DTWD2: variants seen among roughly 807,000 people sequenced by gnomAD.
DTWD2 encodes the protein tRNA-uridine aminocarboxypropyltransferase 2.
In DTWD2, 39 loss-of-function variants were observed where a neutral mutation model predicts 31.8. That is an observed-to-expected ratio of 1.22 (90% confidence interval 0.95 to 1.60). The LOEUF is 1.60. Among genes scored for constraint, DTWD2 ranks in the 40% most tolerant of loss-of-function variants. The pLI is 0.00. For synonymous variants in DTWD2, 180 were observed against 142.8 expected, an observed-to-expected ratio of 1.26 and a Z score of -1.86; for missense variants, 515 against 381.5, an observed-to-expected ratio of 1.35 and a Z score of -2.92.
chr5:118,870,573 C>A (rs1349932107), intron 4 of DTWD2, among the ~76,000 whole-genome samples: 1 of 152,154 alleles, frequency 6.6e-6, no homozygotes, highest in Non-Finnish European at 1.5e-5. Context: ...AATGATATAT[C>A]TTAATTTTAA....
At chr5:118,984,130 T>C (rs1232160939) in intron 1 of DTWD2, among the ~76,000 whole-genome samples, 1 of 152,036 alleles carries the variant, frequency 6.6e-6, no homozygotes, top group Non-Finnish European at 1.5e-5. Flanking sequence ...CTACTAAAAA[T>C]ACAAAATTAG....
At position 118,988,187 on chromosome 5, in the gene DTWD2, C is replaced by A. The variant is rs775384563; in HGVS notation, c.218+107G>T. The A allele has an allele frequency of 3.6e-6, 5 of 1,381,482 alleles. No individual in the cohort carries two copies. The South Asian group carries it at 6.2e-5, about 17-fold the overall frequency. The allele number at this position is 1,381,482 out of a possible 1,614,324, so 85.6% of individuals were successfully genotyped here. ...CAACGTGCACCCGCCAACTCCGCCG[C>A]CCTAATCGCAGAGCTGCCCGAGCCG... On this transcript the variant is annotated intron_variant, in intron 1 of 5. Coordinates refer to ENST00000510708, the MANE Select transcript of DTWD2 (RefSeq NM_173666.4).
intron 4 of DTWD2, among the ~76,000 whole-genome samples, chr5:118,898,005 A>G (rs2149563790): frequency 6.6e-6 from 1 of 152,220 alleles, no homozygotes; most frequent in African/African-American, 2.4e-5. Flanking sequence ...CTGGGACCAC[A>G]GGCATGTGCC....
At chr5:118,889,594 A>G (rs1347513587) in intron 4 of DTWD2, among the ~76,000 whole-genome samples, 1 of 152,162 alleles carries the variant, frequency 6.6e-6, no homozygotes, top group Non-Finnish European at 1.5e-5. Flanking sequence ...GTCTTGATAT[A>G]TAGGTTGTCT....
At chr5:118,878,365 A>T (rs983744225) in intron 4 of DTWD2, among the ~76,000 whole-genome samples, 2 of 152,182 alleles carry the variant, frequency 1.3e-5, no homozygotes, top group African/African-American at 4.8e-5. Context: ...CCACACACTT[A>T]CAACTATCTG....
intron 4 of DTWD2, among the ~76,000 whole-genome samples, chr5:118,894,073 T>A (rs1753031615): frequency 6.6e-6 from 1 of 151,284 alleles, no homozygotes; most frequent in Non-Finnish European, 1.5e-5. Context: ...TGACACAGGT[T>A]TCAAAAGTAT....
chr5:118,945,729 C>A (rs1172311668), intron 1 of DTWD2, among the ~76,000 whole-genome samples: 1 of 144,560 alleles, frequency 6.9e-6, no homozygotes, highest in Admixed American at 6.9e-5. Flanking sequence ...TGTGCCACTG[C>A]ACTCCAGCCT....
rs561254560 is a variant in DTWD2 at position 118,865,441 on chromosome 5, TA to T, written c.598-17224del. ...CTATATACCAAAAATATGGTCTATG[TA>T]AAAAAAAAATAAATAAAAAGAATCA... On this transcript the variant is annotated intron_variant, in intron 4 of 5. Coordinates refer to ENST00000510708, the MANE Select transcript of DTWD2 (RefSeq NM_173666.4). Among the ~76,000 whole-genome samples, 1,437 of 149,462 alleles carry T rather than the reference TA, an allele frequency of 9.6e-3. 16 individuals are homozygous for T. Among genetic ancestry groups the T allele is most frequent in the African/African-American group, 0.032 (1,312 of 40,828 alleles).
chr5:118,975,005 G>A (rs1472383627), intron 1 of DTWD2, among the ~76,000 whole-genome samples: 2 of 151,972 alleles, frequency 1.3e-5, no homozygotes, highest in Non-Finnish European at 2.9e-5. Flanking sequence ...ATGTGTCTTG[G>A]GGTTGCTCTT....
chr5:118,977,222 C>T (rs1755183138), intron 1 of DTWD2, among the ~76,000 whole-genome samples: 1 of 152,162 alleles, frequency 6.6e-6, no homozygotes, highest in African/African-American at 2.4e-5. Flanking sequence ...AAACCCACAA[C>T]CAATATCATA....
chr5:118,879,562 A>G (rs1307372197), intron 4 of DTWD2, among the ~76,000 whole-genome samples: 1 of 149,380 alleles, frequency 6.7e-6, no homozygotes, highest in Admixed American at 6.8e-5. Flanking sequence ...GTGAGCCAAG[A>G]TCGCACCACT....
intron 4 of DTWD2, among the ~76,000 whole-genome samples, chr5:118,863,744 G>A (rs879546929): frequency 3.9e-5 from 6 of 152,102 alleles, no homozygotes; most frequent in Non-Finnish European, 8.8e-5. Context: ...CCCTAATATT[G>A]TACATTTACA....
intron 4 of DTWD2, among the ~76,000 whole-genome samples, chr5:118,887,678 G>A (rs148741355): frequency 5.1e-4 from 77 of 152,320 alleles, no homozygotes; most frequent in African/African-American, 1.8e-3. Context: ...GAGGGCAGGA[G>A]TGCAGTCATG....
At chr5:118,973,354 G>A (rs935176055) in intron 1 of DTWD2, among the ~76,000 whole-genome samples, 14 of 152,090 alleles carry the variant, frequency 9.2e-5, no homozygotes, top group Non-Finnish European at 1.9e-4. Flanking sequence ...TAGCGTCGAT[G>A]GTCTTCACAA....
intron 4 of DTWD2, among the ~76,000 whole-genome samples, chr5:118,884,652 A>G (rs1293202952): frequency 1.3e-5 from 2 of 152,210 alleles, no homozygotes; most frequent in Non-Finnish European, 1.5e-5. Flanking sequence ...TTATTTCTTC[A>G]AATATCCTCT....
At chr5:118,937,776 C>G (rs575124841) in intron 3 of DTWD2, among the ~76,000 whole-genome samples, 175 of 141,512 alleles carry the variant, frequency 1.2e-3, no homozygotes, top group African/African-American at 3.6e-3. Context: ...GCGGTTGAAT[C>G]CCCTGTTGTT....
At chr5:118,854,973 G>C (rs1752096126) in intron 4 of DTWD2, among the ~76,000 whole-genome samples, 1 of 151,828 alleles carries the variant, frequency 6.6e-6, no homozygotes, top group African/African-American at 2.4e-5. Context: ...GGAAGAGTTT[G>C]AGACTAGCCT....
intron 4 of DTWD2, among the ~76,000 whole-genome samples, chr5:118,857,788 G>T (rs1752172537): frequency 6.6e-6 from 1 of 152,190 alleles, no homozygotes; most frequent in Admixed American, 6.5e-5. Flanking sequence ...AAAATCTGAT[G>T]ATTCACACAG....
rs149964075 is a variant in DTWD2, at chr5:118,975,871, C to A, written c.218+12423G>T. On this transcript the variant is annotated intron_variant, in intron 1 of 5. Transcript: ENST00000510708. ...AATAGACATCTACAGAACTCTCCAC[C>A]CCAAATCAACAGAATATACATTCTT... Among the ~76,000 whole-genome samples the A allele has an allele frequency of 2.1e-3, 320 of 152,270 alleles. 1 individual carries two copies. The highest frequency in any genetic ancestry group is 7.1e-3 in the African/African-American group (296 of 41,530).
Sources: allele counts gnomAD v4.1 joint callset (sites outside exome capture counted in the v4.1 genomes callset), GRCh38; gene constraint gnomAD v4.1.1; transcripts MANE v1.5; gene names NCBI Gene and HGNC (gene_info 2026-07-23, HGNC 2026-07-21).